The following SLC1A4 variants were observed in gnomAD, a reference collection of about 807,000 sequenced individuals.
SLC1A4 encodes neutral amino acid transporter A.
In SLC1A4, 19 loss-of-function variants were observed where a neutral mutation model predicts 37.7. The ratio of observed to expected loss-of-function variants is 0.50; its 90% CI spans 0.35 to 0.74. The LOEUF is 0.74. Among genes scored for constraint, SLC1A4 ranks in the 30% least tolerant of loss-of-function variants. SLC1A4 has a pLI of 0.01. For synonymous variants in SLC1A4, 299 were observed against 309.8 expected, an observed-to-expected ratio of 0.97 and a Z score of 0.37; for missense variants, 570 against 712.9, an observed-to-expected ratio of 0.80 and a Z score of 2.28.
rs756924932 is a variant in SLC1A4 at position 65,022,529 on chromosome 2, A to C, written c.*1383A>C. On this transcript the variant is annotated 3_prime_UTR_variant, in exon 8 of 8. Coordinates refer to ENST00000234256, the MANE Select transcript of SLC1A4 (RefSeq NM_003038.5). Reference sequence around the variant, plus strand: ...TTTCACTTCTTGGATATCAAGTGCTAACCCAGTATGTTCTTCTTTTTTATG... The same window carrying C: ...TTTCACTTCTTGGATATCAAGTGCTCACCCAGTATGTTCTTCTTTTTTATG... 1 of 144,766 alleles carries C rather than the reference A, an allele frequency of 6.9e-6. No homozygotes were observed. The highest frequency in any genetic ancestry group is 1.5e-5 in the Non-Finnish European group (1 of 64,704). The allele number at this position is 144,766 out of a possible 1,614,324, so 9.0% of individuals were successfully genotyped here.
chr2:65,020,881 A>C, intron 7 of SLC1A4, 31 bp from the exon 8 acceptor site: 1 of 1,580,924 alleles, frequency 6.3e-7, no homozygotes, highest in South Asian at 1.1e-5. Flanking sequence ...CCAGCAGTAG[A>C]TATAATAGCT....
chr2:65,020,919 AC>A lies in SLC1A4; in HGVS notation c.1374del (p.Thr459ProfsTer4), dbSNP rs1323030000. On this transcript the variant is annotated frameshift_variant, in exon 8 of 8. Transcript: ENST00000234256. LOFTEE classifies it high-confidence loss of function. ...ILAVDWIVDR[T>X]TTVVNVEGDA... is the part of the protein sequence containing the mutation. ...CTCTTCTTTTCCCACCAGGGACCGG[AC>A]CACCACGGTGGTGAATGTGGAAGGG... 6.2e-7 allele frequency: 1 copy of A among 1,613,802 alleles called. No individual in the cohort carries two copies. The highest frequency in any genetic ancestry group is 8.5e-7 in the Non-Finnish European group (1 of 1,179,750).
intron 1 of SLC1A4, among the ~76,000 whole-genome samples, chr2:64,996,009 T>TTTG (rs1337182298): frequency 6.6e-6 from 1 of 152,192 alleles, no homozygotes; most frequent in Non-Finnish European, 1.5e-5. Flanking sequence ...AGTTTTTCTG[T>TTTG]TTGTTTTAAG....
At chr2:64,993,653 C>A (rs943784686) in intron 1 of SLC1A4, among the ~76,000 whole-genome samples, 1 of 152,132 alleles carries the variant, frequency 6.6e-6, no homozygotes, top group South Asian at 2.1e-4. Flanking sequence ...TGGTTGGGCA[C>A]CAAAGAGACA....
rs900035663 is a variant in SLC1A4, at chr2:65,022,863, G to A, written c.*1717G>A. On this transcript the variant is annotated 3_prime_UTR_variant, in exon 8 of 8. Transcript: ENST00000234256. ...CCTCCTTCACTCCCTTGTTTTCCCTGTTGCTATGTGTCACCTGGGCCCTAC... is the reference window on the plus strand; with the variant it reads ...CCTCCTTCACTCCCTTGTTTTCCCTATTGCTATGTGTCACCTGGGCCCTAC... The A allele has an allele frequency of 6.6e-6, 1 of 152,264 alleles. No homozygotes were observed. The highest frequency in any genetic ancestry group is 1.5e-5 in the Non-Finnish European group (1 of 68,152). The allele number at this position is 152,264 out of a possible 1,614,324, so 9.4% of individuals were successfully genotyped here.
chr2:65,003,863 A>G, intron 2 of SLC1A4, 90 bp from the exon 3 acceptor site: 1 of 906,792 alleles, frequency 1.1e-6, no homozygotes, highest in Non-Finnish European at 1.8e-6. Flanking sequence ...CAGTGACAGA[A>G]GTACCAAGAG....
chr2:65,020,413 C>T (rs544800231), intron 7 of SLC1A4, among the ~76,000 whole-genome samples: 4 of 152,214 alleles, frequency 2.6e-5, no homozygotes, highest in African/African-American at 9.6e-5. Flanking sequence ...ATTACAGGCA[C>T]ACTCTACCAT....
intron 4 of SLC1A4, 111 bp from the exon 5 acceptor site, chr2:65,016,329 A>G: frequency 2.4e-6 from 2 of 823,786 alleles, no homozygotes; most frequent in African/African-American, 1.7e-5. Context: ...TATCCTAGGG[A>G]GAGATGAAGA....
Position 65,021,265 on chromosome 2 carries a change from G to T in SLC1A4, c.*119G>T. 1 of 781,340 alleles carries T rather than the reference G, an allele frequency of 1.3e-6. No individual in the cohort carries two copies. The allele number at this position is 781,340 out of a possible 1,614,324, so 48.4% of individuals were successfully genotyped here. ...TTTTACCCTCCCAAGCAATGCTTTG[G>T]CCCAGTCGCTGGCCTGAGGCTTACC... On this transcript the variant is annotated 3_prime_UTR_variant, in exon 8 of 8. Transcript: ENST00000234256.
At chr2:65,015,829 T>C (rs1407317676) in intron 4 of SLC1A4, among the ~76,000 whole-genome samples, 1 of 152,262 alleles carries the variant, frequency 6.6e-6, no homozygotes, top group African/African-American at 2.4e-5. Flanking sequence ...TCAAAACAAC[T>C]GACTTTTGTT....
At chr2:64,996,679 C>T (rs980549680) in intron 1 of SLC1A4, among the ~76,000 whole-genome samples, 1 of 152,176 alleles carries the variant, frequency 6.6e-6, no homozygotes, top group Non-Finnish European at 1.5e-5. Flanking sequence ...CTCTATAGTC[C>T]AACATGGCAG....
At chr2:64,995,989 A>C (rs1673238467) in intron 1 of SLC1A4, among the ~76,000 whole-genome samples, 1 of 152,136 alleles carries the variant, frequency 6.6e-6, no homozygotes, top group African/African-American at 2.4e-5. Flanking sequence ...GTTCAACCTC[A>C]TTTCATACCA....
intron 7 of SLC1A4, among the ~76,000 whole-genome samples, chr2:65,019,629 T>TCC: frequency 6.6e-6 from 1 of 152,188 alleles, no homozygotes; most frequent in African/African-American, 2.4e-5. Context: ...TGGTGGTTTT[T>TCC]CCAACTTGAA....
intron 1 of SLC1A4, among the ~76,000 whole-genome samples, chr2:64,995,389 C>T (rs1207782900): frequency 6.6e-6 from 1 of 152,096 alleles, no homozygotes; most frequent in African/African-American, 2.4e-5. Flanking sequence ...CTAGTGTGTC[C>T]CACCCTCTCA....
Position 65,016,667 on chromosome 2 carries a change from G to A in SLC1A4, c.1028G>A (p.Cys343Tyr). The change falls in exon 5 of 8, where the codon TGC (cysteine) becomes TAC (tyrosine). Residue 343 changes from cysteine to tyrosine, a missense_variant. Coordinates refer to ENST00000234256, the MANE Select transcript of SLC1A4 (RefSeq NM_003038.5). ...LAPFATAFATCSSSATLPSMM... is the reference protein window; with the variant it reads ...LAPFATAFATYSSSATLPSMM... ...CCATTTGCGACAGCATTTGCTACCT[G>A]CTCCAGGTGAGTGGGTTTTGGGTCT... is the stretch of plus-strand genomic sequence containing the variant. The A allele has an allele frequency of 6.2e-7, 1 of 1,611,978 alleles. No homozygotes were observed. The highest frequency in any genetic ancestry group is 8.5e-7 in the Non-Finnish European group (1 of 1,178,056).
chr2:64,997,559 T>C (rs1467705025), intron 1 of SLC1A4, among the ~76,000 whole-genome samples: 1 of 152,222 alleles, frequency 6.6e-6, no homozygotes, highest in Non-Finnish European at 1.5e-5. Flanking sequence ...ATCAACAGAA[T>C]CATTCAGTAT....
Position 65,018,356 on chromosome 2 carries a change from G to C in SLC1A4, c.1229+91G>C, listed in dbSNP as rs964337842. ...CAATCTCACCACAACTTGGTGTCTCGCTCATAAAATGAGGACAGTGGGGAT... is the reference window on the plus strand; with the variant it reads ...CAATCTCACCACAACTTGGTGTCTCCCTCATAAAATGAGGACAGTGGGGAT... On this transcript the variant is annotated intron_variant, in intron 6 of 7. Coordinates refer to ENST00000234256, the MANE Select transcript of SLC1A4 (RefSeq NM_003038.5). This position sits in a 1 kb window ranked among gnomAD's most constrained non-coding sequence, Gnocchi z 4.3. 6.9e-7 allele frequency: 1 copy of C among 1,444,558 alleles called. No homozygotes were observed. 89.5% of individuals were successfully genotyped at this position (1,444,558 alleles called of 1,614,324 possible). A position where few individuals can be genotyped will look rare whatever the true frequency, so the allele number is the denominator to read the frequency against.
intron 4 of SLC1A4, among the ~76,000 whole-genome samples, chr2:65,012,380 C>T (rs1044785302): frequency 1.3e-5 from 2 of 152,218 alleles, no homozygotes; most frequent in Admixed American, 6.5e-5. Flanking sequence ...TGAGCCACCG[C>T]GCCCAGCCTA....
intron 3 of SLC1A4, among the ~76,000 whole-genome samples, chr2:65,004,473 GACAAGAGTTTCACCATGTTGTCA>G (rs1192725572): frequency 6.6e-6 from 1 of 150,894 alleles, no homozygotes; most frequent in Non-Finnish European, 1.5e-5. Context: ...GTTTTGTAGA[GACAAGAGTTTCACCATGTTGTCA>G]AGGCTAGCCT....
Sources: allele counts gnomAD v4.1 joint callset (sites outside exome capture counted in the v4.1 genomes callset), GRCh38; gene constraint gnomAD v4.1.1; non-coding constraint Gnocchi (gnomAD v3.1); transcripts MANE v1.5; gene names NCBI Gene and HGNC (gene_info 2026-07-23, HGNC 2026-07-21).